Variants in DTNA observed in about 807,000 individuals in gnomAD.
DTNA encodes the protein dystrophin-related protein 3.
DTNA carries 43 observed loss-of-function variants against 100.7 expected under a neutral mutation model. The observed-to-expected ratio is 0.43, with a 90% CI of 0.33 to 0.55. The LOEUF is 0.55. DTNA is among the 20% of genes least tolerant of loss of function. The pLI is 0.04. For missense variants in DTNA, 798 were observed against 953.9 expected, an observed-to-expected ratio of 0.84 and a Z score of 2.15; for synonymous variants, 349 against 347.9, an observed-to-expected ratio of 1.00 and a Z score of -0.04.
chr18:34,877,926 G>C (rs1312944585), intron 19 of DTNA, 118 bp downstream of exon 19: 2 of 958,348 alleles, frequency 2.1e-6, no homozygotes, highest in African/African-American at 3.3e-5. Context: ...AAAGCTCTAT[G>C]TGATATTTTG....
chr18:34,840,574 C>T (rs1189015712), intron 13 of DTNA, among the ~76,000 whole-genome samples: 2 of 152,100 alleles, frequency 1.3e-5, no homozygotes, highest in Non-Finnish European at 2.9e-5. Flanking sequence ...GAGAAAAGCT[C>T]AGAGTTTGTC....
At chr18:34,754,618 G>A (rs2092643949) in intron 1 of DTNA, among the ~76,000 whole-genome samples, 1 of 152,072 alleles carries the variant, frequency 6.6e-6, no homozygotes, top group Non-Finnish European at 1.5e-5. Context: ...GGCTTGTTTT[G>A]TTTCCATTCG....
intron 1 of DTNA, among the ~76,000 whole-genome samples, chr18:34,607,949 A>T (rs2053470739): frequency 6.6e-6 from 1 of 152,212 alleles, no homozygotes; most frequent in Non-Finnish European, 1.5e-5. Context: ...ACAGTAGTGA[A>T]ATGCAAGACA....
At chr18:34,792,884 T>C (rs888147486) in intron 3 of DTNA, among the ~76,000 whole-genome samples, 10 of 152,224 alleles carry the variant, frequency 6.6e-5, no homozygotes, top group Admixed American at 2.0e-4. Context: ...CACATATCTA[T>C]ACAAAGACTT....
At chr18:34,497,547 A>G (rs1008115047) in intron 1 of DTNA, among the ~76,000 whole-genome samples, 4 of 152,216 alleles carry the variant, frequency 2.6e-5, no homozygotes, top group Admixed American at 2.6e-4. Context: ...GATGGTGTTT[A>G]AGACAAAGGA....
chr18:34,651,386 ATTTGAT>A (rs1262258757), intron 1 of DTNA, among the ~76,000 whole-genome samples: 4 of 152,250 alleles, frequency 2.6e-5, no homozygotes, highest in African/African-American at 9.6e-5. Context: ...AGTCATTACT[ATTTGAT>A]TTTGATTTTA....
chr18:34,793,010 A>C (rs2094815167), intron 3 of DTNA, among the ~76,000 whole-genome samples: 3 of 152,210 alleles, frequency 2.0e-5, no homozygotes, highest in Non-Finnish European at 4.4e-5. Flanking sequence ...ATGGAATACT[A>C]CTCAGCAATA....
At chr18:34,668,184 T>A (rs886119769) in intron 1 of DTNA, among the ~76,000 whole-genome samples, 1 of 152,198 alleles carries the variant, frequency 6.6e-6, no homozygotes. Flanking sequence ...ATTTATCCAT[T>A]TCTTCTAGAT....
At position 34,890,328 on chromosome 18, in the gene DTNA, A is replaced by C; in HGVS notation, c.*2594A>C. 6.5e-7 allele frequency: 1 copy of C among 1,536,008 alleles called. No homozygotes were observed. The highest frequency in any genetic ancestry group is 8.7e-7 in the Non-Finnish European group (1 of 1,146,876). On this transcript the variant is annotated 3_prime_UTR_variant, in exon 23 of 23. Coordinates refer to ENST00000444659, the MANE Select transcript of DTNA (RefSeq NM_001386795.1). ...CACGTCAGCACTGAGACCAGACTCG[A>C]GCACCCCTGTCCTGTAAGCGAGACA...
At chr18:34,651,050 G>A (rs998478642) in intron 1 of DTNA, among the ~76,000 whole-genome samples, 1 of 152,208 alleles carries the variant, frequency 6.6e-6, no homozygotes, top group Admixed American at 6.5e-5. Context: ...ACCATTCAAA[G>A]CTTTCTAGAC....
At chr18:34,857,524 C>G (rs139305869) in intron 15 of DTNA, among the ~76,000 whole-genome samples, 14 of 152,276 alleles carry the variant, frequency 9.2e-5, no homozygotes, top group African/African-American at 3.4e-4. Context: ...TATGGCTAGC[C>G]TAATGCTCAC....
chr18:34,554,527 T>G (rs887689737), intron 1 of DTNA, among the ~76,000 whole-genome samples: 4 of 151,470 alleles, frequency 2.6e-5, no homozygotes, highest in African/African-American at 9.7e-5. Flanking sequence ...TAGATAGCTC[T>G]TATTATTTTG....
At chr18:34,705,279 G>A (rs780159989) in intron 1 of DTNA, among the ~76,000 whole-genome samples, 1 of 151,936 alleles carries the variant, frequency 6.6e-6, no homozygotes, top group African/African-American at 2.4e-5. Flanking sequence ...ATATACTGCC[G>A]TGTGGGTTGT....
At chr18:34,818,591 T>G (rs1197426335) in intron 8 of DTNA, 1 of 1,312,622 alleles carries the variant, frequency 7.6e-7, no homozygotes, top group Non-Finnish European at 9.8e-7. Context: ...AATTCAGTAC[T>G]GATTTAAATA....
At chr18:34,771,866 T>C (rs537273272) in intron 3 of DTNA, among the ~76,000 whole-genome samples, 2 of 152,348 alleles carry the variant, frequency 1.3e-5, no homozygotes, top group East Asian at 3.9e-4. Flanking sequence ...CAGCCTTTAT[T>C]TTAGACAAAT....
At chr18:34,579,492 C>T (rs905600662) in intron 1 of DTNA, among the ~76,000 whole-genome samples, 1 of 152,148 alleles carries the variant, frequency 6.6e-6, no homozygotes. Context: ...TAAAAATAAA[C>T]ACTCTCAACC....
intron 1 of DTNA, among the ~76,000 whole-genome samples, chr18:34,750,780 TAAA>T (rs2092242586): frequency 6.6e-6 from 1 of 152,204 alleles, no homozygotes; most frequent in Non-Finnish European, 1.5e-5. Context: ...CTTCTGCCTT[TAAA>T]ATTTCTTATA....
intron 1 of DTNA, among the ~76,000 whole-genome samples, chr18:34,520,898 C>G (rs1248912604): frequency 6.6e-6 from 1 of 152,024 alleles, no homozygotes; most frequent in African/African-American, 2.4e-5. Flanking sequence ...ATCTGAGTCC[C>G]CCGGCTCCCA....
intron 1 of DTNA, among the ~76,000 whole-genome samples, chr18:34,732,936 A>G (rs2088657300): frequency 6.6e-6 from 1 of 152,146 alleles, no homozygotes; most frequent in African/African-American, 2.4e-5. Context: ...CTCTGGACTC[A>G]CTGTAAGTCA....
Sources: allele counts gnomAD v4.1 joint callset (sites outside exome capture counted in the v4.1 genomes callset), GRCh38; gene constraint gnomAD v4.1.1; transcripts MANE v1.5; gene names NCBI Gene and HGNC (gene_info 2026-07-23, HGNC 2026-07-21).